The following ITFG1 variants were observed in gnomAD, a reference collection of about 807,000 sequenced individuals.
ITFG1 encodes T-cell immunomodulatory protein.
A neutral mutation model predicts 81.8 loss-of-function variants in ITFG1; 34 were observed. That is an observed-to-expected ratio of 0.42 (90% confidence interval 0.32 to 0.55). ITFG1 has a LOEUF of 0.55. Ranked by LOEUF, ITFG1 falls within the 20% of genes least tolerant of loss-of-function variation. The pLI is 0.17. For synonymous variants in ITFG1, 285 were observed against 270.6 expected (o/e 1.05, Z -0.52); for missense variants, 672 against 755.4 (o/e 0.89, Z 1.29).
chr16:47,265,965 A>G (rs1966270347), intron 10 of ITFG1, among the ~76,000 whole-genome samples: 1 of 152,214 alleles, frequency 6.6e-6, no homozygotes. Context: ...TGCAAATTAT[A>G]TCTGAAAAAG....
chr16:47,403,855 G>T (rs1234372544), intron 6 of ITFG1, among the ~76,000 whole-genome samples: 2 of 150,518 alleles, frequency 1.3e-5, no homozygotes, highest in East Asian at 1.9e-4. Flanking sequence ...TCTAGGTCAG[G>T]GGTCCCTAAC....
chr16:47,170,851 C>T (rs1024099799), intron 14 of ITFG1, among the ~76,000 whole-genome samples: 1 of 149,904 alleles, frequency 6.7e-6, no homozygotes, highest in East Asian at 2.0e-4. Flanking sequence ...TTCTCCTCCT[C>T]AGCCTCCCAA....
intron 10 of ITFG1, among the ~76,000 whole-genome samples, chr16:47,301,651 C>G (rs1967078660): frequency 6.6e-6 from 1 of 152,294 alleles, no homozygotes; most frequent in African/African-American, 2.4e-5. Flanking sequence ...CCACCTCAGC[C>G]TCCCAAAGTA....
At chr16:47,218,359 TTTA>T (rs1223170941) in intron 14 of ITFG1, 1 of 152,164 alleles carries the variant, frequency 6.6e-6, no homozygotes, top group Non-Finnish European at 1.5e-5. Context: ...TCTTATTTCT[TTTA>T]TTGTCTTAAT....
intron 5 of ITFG1, among the ~76,000 whole-genome samples, chr16:47,436,614 G>GA (rs1969170343): frequency 2.0e-5 from 3 of 152,258 alleles, no homozygotes; most frequent in South Asian, 4.1e-4. Context: ...TAAATGCTAA[G>GA]AAATCTTGCT....
intron 8 of ITFG1, among the ~76,000 whole-genome samples, chr16:47,330,266 T>C (rs1967619018): frequency 6.6e-6 from 1 of 152,066 alleles, no homozygotes; most frequent in Admixed American, 6.6e-5. Flanking sequence ...ACTGGACCCC[T>C]ACCTCTTACC....
In ITFG1 at chr16:47,196,037, C is replaced by T. The variant is rs571463148; in HGVS notation, c.1453+22831G>A. On this transcript the variant is annotated intron_variant, in intron 14 of 17. Coordinates refer to ENST00000320640, the MANE Select transcript of ITFG1 (RefSeq NM_030790.5). ...GTTTTTTTCTTTTGGCATTACAACA[C>T]TTTAAATATTTCACTGCATTTTCTT... Among the ~76,000 whole-genome samples, 67 of 152,274 alleles carry T rather than the reference C, an allele frequency of 4.4e-4. 1 individual carries two copies. The highest frequency in any genetic ancestry group is 1.6e-3 in the African/African-American group (67 of 41,556).
chr16:47,304,638 TA>T (rs1967129231), intron 10 of ITFG1, among the ~76,000 whole-genome samples: 1 of 152,184 alleles, frequency 6.6e-6, no homozygotes, highest in Admixed American at 6.5e-5. Flanking sequence ...ACTGAAAGTA[TA>T]TATATAACAA....
At chr16:47,265,450 A>G (rs1354533211) in intron 10 of ITFG1, among the ~76,000 whole-genome samples, 2 of 152,076 alleles carry the variant, frequency 1.3e-5, no homozygotes, top group African/African-American at 2.4e-5. Context: ...ACAAAAACCA[A>G]CATAGTATGG....
intron 10 of ITFG1, among the ~76,000 whole-genome samples, chr16:47,290,303 G>A (rs947924596): frequency 2.0e-5 from 3 of 152,138 alleles, no homozygotes; most frequent in African/African-American, 7.2e-5. Flanking sequence ...TGGATAAAAT[G>A]TTCTGTAAAT....
chr16:47,257,559 A>T (rs1239610487), intron 12 of ITFG1, among the ~76,000 whole-genome samples: 1 of 152,234 alleles, frequency 6.6e-6, no homozygotes, highest in Non-Finnish European at 1.5e-5. Flanking sequence ...GCTGGAAGAG[A>T]TATCTACAAA....
chr16:47,313,809 T>C lies in ITFG1; in HGVS notation c.817A>G (p.Met273Val). The change falls in exon 9 of 18, where the codon ATG becomes GTG. Residue 273 changes from methionine (M) to valine (V), a missense_variant. This residue lies in a region of ITFG1 where 560 missense variants were observed against 625.7 expected (regional missense o/e 0.90). Coordinates refer to ENST00000320640, the MANE Select transcript of ITFG1 (RefSeq NM_030790.5). The part of the protein sequence containing the change: ...AFADFDGDGH[M>V]DHLLPGCEDK... Reference sequence around the variant, plus strand: ...TCACAGCCTGGCAGTAAATGATCCATGTGTCCATCTCCATCTGCCAAAAGA... The same window carrying C: ...TCACAGCCTGGCAGTAAATGATCCACGTGTCCATCTCCATCTGCCAAAAGA... 3 of 1,603,024 alleles carry C rather than the reference T, an allele frequency of 1.9e-6. No individual in the cohort carries two copies. Among genetic ancestry groups the C allele is most frequent in the Admixed American group, 1.7e-5 (1 of 58,810 alleles).
At chr16:47,378,442 G>A (rs574946517) in intron 6 of ITFG1, among the ~76,000 whole-genome samples, 1 of 152,126 alleles carries the variant, frequency 6.6e-6, no homozygotes, top group East Asian at 1.9e-4. Flanking sequence ...GCAATTTATC[G>A]CCGCTCCTTG....
At chr16:47,237,603 A>G (rs564060447) in intron 13 of ITFG1, among the ~76,000 whole-genome samples, 202 of 152,336 alleles carry the variant, frequency 1.3e-3, no homozygotes, top group Non-Finnish European at 2.5e-3. Context: ...TCTGCGACCT[A>G]TACCAGGTAC....
chr16:47,246,170 A>T (rs1025437912), intron 12 of ITFG1, among the ~76,000 whole-genome samples: 2 of 152,206 alleles, frequency 1.3e-5, no homozygotes, highest in African/African-American at 4.8e-5. Flanking sequence ...ACAATAAGCT[A>T]AAAACTTGGT....
At chr16:47,170,883 C>T (rs1214008410) in intron 14 of ITFG1, among the ~76,000 whole-genome samples, 1 of 151,486 alleles carries the variant, frequency 6.6e-6, no homozygotes, top group African/African-American at 2.4e-5. Flanking sequence ...TATAGGCATA[C>T]ACCACCACAC....
At chr16:47,316,412 A>G (rs1045125764) in intron 8 of ITFG1, among the ~76,000 whole-genome samples, 20 of 152,214 alleles carry the variant, frequency 1.3e-4, no homozygotes, top group Non-Finnish European at 1.5e-5. Flanking sequence ...GTATATAAGT[A>G]CATACATTAA....
chr16:47,257,099 C>T (rs1966147153), intron 12 of ITFG1, among the ~76,000 whole-genome samples: 1 of 152,224 alleles, frequency 6.6e-6, no homozygotes, highest in Admixed American at 6.5e-5. Flanking sequence ...GGAAACAAGA[C>T]AAGTGTGTCC....
chr16:47,271,777 T>A (rs1966344198), intron 10 of ITFG1, among the ~76,000 whole-genome samples: 1 of 152,172 alleles, frequency 6.6e-6, no homozygotes, highest in African/African-American at 2.4e-5. Flanking sequence ...GAGAATGGTG[T>A]GAACCCGGGA....
Sources: allele counts gnomAD v4.1 joint callset (sites outside exome capture counted in the v4.1 genomes callset), GRCh38; gene constraint gnomAD v4.1.1; regional missense constraint gnomAD v4.1.1; transcripts MANE v1.5; gene names NCBI Gene and HGNC (gene_info 2026-07-23, HGNC 2026-07-21).